ARHGAP22: variants seen among roughly 807,000 people sequenced by gnomAD.
The protein encoded by ARHGAP22 is Rho GTPase activating protein 22, also known as rho GTPase-activating protein 22.
Under a neutral mutation model 59.1 loss-of-function variants are expected in ARHGAP22, and 48 were observed. The observed-to-expected ratio is 0.81, with a 90% confidence interval of 0.64 to 1.03. ARHGAP22 has a LOEUF of 1.03. Among genes scored for constraint, ARHGAP22 ranks in the 50% least tolerant of loss-of-function variants. The pLI, the probability that ARHGAP22 is intolerant of heterozygous loss-of-function variation, is 0.00. For missense variants in ARHGAP22, 1,015 were observed against 958.7 expected, an observed-to-expected ratio of 1.06 and a Z score of -0.78; for synonymous variants, 445 against 416.4, an observed-to-expected ratio of 1.07 and a Z score of -0.84.
At chr10:48,645,047 A>C (rs2062233418) in intron 1 of ARHGAP22, among the ~76,000 whole-genome samples, 1 of 152,206 alleles carries the variant, frequency 6.6e-6, no homozygotes, top group Admixed American at 6.5e-5. Flanking sequence ...ACAAAGAATA[A>C]AAAATCAGTA....
intron 1 of ARHGAP22, among the ~76,000 whole-genome samples, chr10:48,594,319 T>C (rs2059938644): frequency 6.6e-6 from 1 of 152,196 alleles, no homozygotes; most frequent in Non-Finnish European, 1.5e-5. Context: ...CACTGGTCCC[T>C]CTCTGCAGGT....
At chr10:48,449,879 C>G (rs1316333792) in intron 9 of ARHGAP22, among the ~76,000 whole-genome samples, 1 of 152,236 alleles carries the variant, frequency 6.6e-6, no homozygotes, top group Non-Finnish European at 1.5e-5. Context: ...TGGCACTCAG[C>G]ATCCAGGCTA....
chr10:48,638,393 G>T (rs1011669072), intron 1 of ARHGAP22, among the ~76,000 whole-genome samples: 6 of 152,094 alleles, frequency 3.9e-5, no homozygotes, highest in Admixed American at 6.5e-5. Flanking sequence ...GGCCAGGAGT[G>T]TGTGTGTTGT....
intron 1 of ARHGAP22, among the ~76,000 whole-genome samples, chr10:48,628,710 T>C (rs1016641113): frequency 6.6e-6 from 1 of 152,210 alleles, no homozygotes; most frequent in Non-Finnish European, 1.5e-5. Flanking sequence ...AGTCAAAGTA[T>C]ATTAAACCAA....
chr10:48,544,008 C>T (rs1360334811), intron 3 of ARHGAP22, among the ~76,000 whole-genome samples: 1 of 152,064 alleles, frequency 6.6e-6, no homozygotes, highest in African/African-American at 2.4e-5. Flanking sequence ...CCTGTAATCC[C>T]AGCTACTTGG....
intron 3 of ARHGAP22, among the ~76,000 whole-genome samples, chr10:48,488,938 C>T (rs2050107292): frequency 6.6e-6 from 1 of 152,144 alleles, no homozygotes; most frequent in African/African-American, 2.4e-5. Flanking sequence ...ACGGGCTCCA[C>T]CTGGGTCTCC....
At chr10:48,625,840 C>T (rs893225306) in intron 1 of ARHGAP22, among the ~76,000 whole-genome samples, 1 of 152,162 alleles carries the variant, frequency 6.6e-6, no homozygotes, top group Admixed American at 6.5e-5. Flanking sequence ...CTCTGCTCCA[C>T]ACATATCCAA....
At chr10:48,588,770 G>C (rs2059580706) in intron 1 of ARHGAP22, among the ~76,000 whole-genome samples, 1 of 152,248 alleles carries the variant, frequency 6.6e-6, no homozygotes, top group African/African-American at 2.4e-5. Flanking sequence ...CAGTCTGGCA[G>C]GGGAAGTAAA....
intron 3 of ARHGAP22, among the ~76,000 whole-genome samples, chr10:48,486,721 C>G (rs1052371389): frequency 2.6e-5 from 4 of 152,084 alleles, no homozygotes; most frequent in Non-Finnish European, 5.9e-5. Flanking sequence ...TTCAGATTCC[C>G]ATATGGTATT....
At chr10:48,571,420 C>T (rs2058386117) in intron 2 of ARHGAP22, among the ~76,000 whole-genome samples, 1 of 152,200 alleles carries the variant, frequency 6.6e-6, no homozygotes, top group Non-Finnish European at 1.5e-5. Flanking sequence ...CCTCTCCATC[C>T]TTGCTGCCCT....
At chr10:48,543,489 A>C (rs1461987028) in intron 3 of ARHGAP22, among the ~76,000 whole-genome samples, 1 of 152,222 alleles carries the variant, frequency 6.6e-6, no homozygotes, top group Non-Finnish European at 1.5e-5. Flanking sequence ...CATGTCCTGT[A>C]TTTAAAAAAA....
the ARHGAP22 span, chr10:48,435,215 A>G: frequency 2.1e-6 from 1 of 472,248 alleles, no homozygotes; most frequent in African/African-American, 2.0e-5. Flanking sequence ...GTTGTGTTTC[A>G]AAACAGCAAC....
chr10:48,443,596 G>A (rs149456593), downstream of ARHGAP22, among the ~76,000 whole-genome samples: 19 of 152,270 alleles, frequency 1.2e-4, no homozygotes, highest in Admixed American at 3.3e-4. Flanking sequence ...CAATGTCACA[G>A]CTGCTTAGCT....
the ARHGAP22 span, chr10:48,437,224 G>A: frequency 3.9e-5 from 6 of 152,182 alleles, no homozygotes; most frequent in South Asian, 1.2e-3. Flanking sequence ...TAAAAACAAG[G>A]TCTCTTTGTT....
chr10:48,497,848 C>T (rs978997425), intron 3 of ARHGAP22, among the ~76,000 whole-genome samples: 3 of 152,182 alleles, frequency 2.0e-5, no homozygotes, highest in Non-Finnish European at 4.4e-5. Context: ...GCAGTGGGCC[C>T]TGGGCCCTGA....
At chr10:48,568,424 C>G (rs139250323) in intron 2 of ARHGAP22, among the ~76,000 whole-genome samples, 1 of 152,198 alleles carries the variant, frequency 6.6e-6, no homozygotes, top group Non-Finnish European at 1.5e-5. Context: ...CCCTGAAGTA[C>G]CTGGTGTTCC....
intron 5 of ARHGAP22, 40 bp downstream of exon 5, chr10:48,459,644 T>C: frequency 1.9e-6 from 3 of 1,607,326 alleles, no homozygotes; most frequent in South Asian, 2.2e-5. Flanking sequence ...GCAGGAGGAA[T>C]GGACAAATGG....
chr10:48,592,774 C>A (rs556526166), intron 1 of ARHGAP22, among the ~76,000 whole-genome samples: 2 of 152,338 alleles, frequency 1.3e-5, no homozygotes, highest in East Asian at 3.9e-4. Context: ...AGGGTTCCCC[C>A]ATCTCAGCCA....
chr10:48,576,648 A>G (rs1020728376), intron 2 of ARHGAP22, among the ~76,000 whole-genome samples: 9 of 151,940 alleles, frequency 5.9e-5, no homozygotes, highest in Non-Finnish European at 1.3e-4. Flanking sequence ...ACTTGCACAT[A>G]GTTTGAAGAA....
Sources: gnomAD v4.1 joint callset for allele counts (sites outside exome capture counted in the v4.1 genomes callset) on GRCh38, gnomAD v4.1.1 for gene constraint, MANE v1.5 for transcripts, NCBI Gene and HGNC (gene_info 2026-07-23, HGNC 2026-07-21) for gene names.